ADAMTS12: variants seen among roughly 807,000 people sequenced by gnomAD.
The protein encoded by ADAMTS12 is A disintegrin and metalloproteinase with thrombospondin motifs 12.
A neutral mutation model predicts 167.8 loss-of-function variants in ADAMTS12; 118 were observed. That is an observed-to-expected ratio of 0.70 (90% CI 0.61 to 0.82). The LOEUF (loss-of-function observed/expected upper bound fraction) is 0.82. Among genes scored for constraint, ADAMTS12 ranks in the 40% least tolerant of loss-of-function variants. The pLI, the probability that ADAMTS12 is intolerant of heterozygous loss-of-function variation, is 0.00. For synonymous variants in ADAMTS12, 704 were observed against 716.9 expected, an observed-to-expected ratio of 0.98 and a Z score of 0.29; for missense variants, 1,916 against 1,998.8, an observed-to-expected ratio of 0.96 and a Z score of 0.79.
intron 1 of ADAMTS12, among the ~76,000 whole-genome samples, chr5:33,886,916 T>C (rs1288025888): frequency 1.3e-5 from 2 of 152,258 alleles, no homozygotes; most frequent in South Asian, 4.1e-4. Flanking sequence ...AGATTTAAAA[T>C]TGTGCTTGAC....
chr5:33,539,904 C>G (rs1187640358), intron 22 of ADAMTS12, among the ~76,000 whole-genome samples: 1 of 152,152 alleles, frequency 6.6e-6, no homozygotes, highest in Non-Finnish European at 1.5e-5. Context: ...GTAATTTCTG[C>G]ATTTCCAACT....
intron 7 of ADAMTS12, among the ~76,000 whole-genome samples, chr5:33,657,961 G>A (rs1168417899): frequency 2.6e-5 from 4 of 152,108 alleles, no homozygotes; most frequent in African/African-American, 9.7e-5. Context: ...TCTGTGATAT[G>A]TGTGAGTATA....
rs1010420555 is a variant in ADAMTS12, at chr5:33,525,166, T to C, written c.*2022A>G. On this transcript the variant is annotated 3_prime_UTR_variant, in exon 24 of 24. Coordinates refer to ENST00000504830, the MANE Select transcript of ADAMTS12 (RefSeq NM_030955.4). Reference sequence around the variant, plus strand: ...CTTTGCAAACTGCCTCATTAGTAAATATCAGATTCTCCTCCACTCATGTCA... The same window carrying C: ...CTTTGCAAACTGCCTCATTAGTAAACATCAGATTCTCCTCCACTCATGTCA... The C allele has an allele frequency of 6.6e-6, 1 of 152,212 alleles. No homozygotes were observed. The highest frequency in any genetic ancestry group is 1.5e-5 in the Non-Finnish European group (1 of 68,032). 9.4% of individuals were successfully genotyped at this position (152,212 alleles called of 1,614,324 possible).
chr5:33,860,012 C>G lies in ADAMTS12; in HGVS notation c.489+21107G>C, dbSNP rs544109143. 1.2e-3 allele frequency among the ~76,000 whole-genome samples: 179 copies of G among 152,254 alleles called. 1 individual carries two copies. Among genetic ancestry groups the G allele is most frequent in the African/African-American group, 4.2e-3 (175 of 41,550 alleles). ...AACAAAAACCCCATCCAAATGTCAC[C>G]AACATCAAAGACCAAAGGTCGATAA... On this transcript the variant is annotated intron_variant, in intron 2 of 23. Transcript: ENST00000504830.
At chr5:33,629,806 T>C (rs1739837363) in intron 13 of ADAMTS12, among the ~76,000 whole-genome samples, 1 of 152,194 alleles carries the variant, frequency 6.6e-6, no homozygotes, top group Admixed American at 6.5e-5. Context: ...ACCCTTGTCT[T>C]CCTTTACCTT....
chr5:33,596,274 G>T (rs935908653), intron 16 of ADAMTS12, among the ~76,000 whole-genome samples: 5 of 152,132 alleles, frequency 3.3e-5, no homozygotes, highest in Admixed American at 1.3e-4. Flanking sequence ...AGCTTGCCTA[G>T]GAAAAACTGT....
chr5:33,787,208 T>C (rs1746363587), intron 2 of ADAMTS12, among the ~76,000 whole-genome samples: 1 of 152,134 alleles, frequency 6.6e-6, no homozygotes, highest in African/African-American at 2.4e-5. Context: ...TCACCTCCTA[T>C]TGATTTATTT....
intron 2 of ADAMTS12, among the ~76,000 whole-genome samples, chr5:33,872,386 A>G (rs932017053): frequency 2.0e-5 from 3 of 152,126 alleles, no homozygotes; most frequent in African/African-American, 7.2e-5. Flanking sequence ...TCCACTAAAA[A>G]AAATACAAAA....
chr5:33,598,451 C>A (rs1265592082), intron 16 of ADAMTS12, among the ~76,000 whole-genome samples: 2 of 152,050 alleles, frequency 1.3e-5, no homozygotes, highest in East Asian at 3.9e-4. Flanking sequence ...AGTTCTAGTC[C>A]CTACTTTTCC....
At chr5:33,773,150 A>G (rs189433183) in intron 2 of ADAMTS12, among the ~76,000 whole-genome samples, 2 of 152,276 alleles carry the variant, frequency 1.3e-5, no homozygotes, top group Admixed American at 1.3e-4. Context: ...TTTTTCCAAG[A>G]AGTGCAACTG....
intron 3 of ADAMTS12, among the ~76,000 whole-genome samples, chr5:33,689,530 G>C (rs2112274099): frequency 6.6e-6 from 1 of 152,286 alleles, no homozygotes; most frequent in East Asian, 1.9e-4. Context: ...AGTGCAGTAG[G>C]AGGTAGGTGA....
chr5:33,751,322 T>C, intron 3 of ADAMTS12, 82 bp downstream of exon 3: 2 of 1,564,394 alleles, frequency 1.3e-6, no homozygotes, highest in East Asian at 4.5e-5. Flanking sequence ...GAGACTTGAG[T>C]AAGAATAGGT....
At position 33,576,068 on chromosome 5, in the gene ADAMTS12, C is replaced by T. The variant is rs772207271; in HGVS notation, c.3958G>A (p.Gly1320Arg). Residue 1320 changes from glycine to arginine, a missense_variant, in exon 19 of 24, where the codon GGA (glycine) becomes AGA (arginine). Coordinates refer to ENST00000504830, the MANE Select transcript of ADAMTS12 (RefSeq NM_030955.4). ...AAATGTCTTACCTCGCTCCAGTTTC[C>T]GACGATCCAGTGTGCAGAGCCGTGG... Reference protein sequence around the residue: ...NGHGSAHWIVGNWSECSTTCG... With the variant: ...NGHGSAHWIVRNWSECSTTCG... 1.1e-5 allele frequency: 18 copies of T among 1,612,378 alleles called. No individual in the cohort carries two copies. The highest frequency in any genetic ancestry group is 3.3e-5 in the Admixed American group (2 of 59,908).
chr5:33,724,660 T>C (rs1299959731), intron 3 of ADAMTS12, among the ~76,000 whole-genome samples: 2 of 151,548 alleles, frequency 1.3e-5, no homozygotes, highest in Non-Finnish European at 2.9e-5. Context: ...CACGCCATTC[T>C]CCTGTCTCAG....
chr5:33,547,062 A>T (rs1745019558), intron 21 of ADAMTS12, among the ~76,000 whole-genome samples: 4 of 152,194 alleles, frequency 2.6e-5, no homozygotes, highest in Admixed American at 1.3e-4. Flanking sequence ...ACAATATTCC[A>T]GCTTTGAGAA....
intron 3 of ADAMTS12, among the ~76,000 whole-genome samples, chr5:33,748,098 A>G (rs1744854487): frequency 6.6e-6 from 1 of 152,182 alleles, no homozygotes; most frequent in Admixed American, 6.5e-5. Flanking sequence ...TCTGCCATAG[A>G]TGACCCAGTA....
At position 33,545,975 on chromosome 5, in the gene ADAMTS12, C is replaced by A; in HGVS notation, c.4446+84G>T. The A allele has an allele frequency of 2.7e-6, 4 of 1,500,130 alleles. No homozygotes were observed. In the Admixed American group the frequency reaches 8.7e-5, roughly 33 times the overall value. The allele number at this position is 1,500,130 out of a possible 1,614,324, so 92.9% of individuals were successfully genotyped here. On this transcript the variant is annotated intron_variant, in intron 22 of 23. Transcript: ENST00000504830. ...TGTATACCTATGTAACAAACCTGCA[C>A]GTTGTGCACAGGTACCCTAGAACTT...
chr5:33,570,850 C>G (rs1199944052), intron 19 of ADAMTS12, among the ~76,000 whole-genome samples: 1 of 149,800 alleles, frequency 6.7e-6, no homozygotes, highest in Non-Finnish European at 1.5e-5. Flanking sequence ...TTCAGGAAAC[C>G]CATCTCACGT....
intron 2 of ADAMTS12, among the ~76,000 whole-genome samples, chr5:33,823,207 T>C (rs973068675): frequency 2.6e-5 from 4 of 152,156 alleles, no homozygotes; most frequent in African/African-American, 9.7e-5. Context: ...TATACACAAC[T>C]GAGAGCTTTT....
Sources: allele counts gnomAD v4.1 joint callset (sites outside exome capture counted in the v4.1 genomes callset), GRCh38; gene constraint gnomAD v4.1.1; transcripts MANE v1.5; gene names NCBI Gene and HGNC (gene_info 2026-07-23, HGNC 2026-07-21).